Variants in DDX60 observed in about 807,000 individuals in gnomAD.
DDX60 encodes DExD/H-box helicase 60.
In DDX60, 165 loss-of-function variants were observed where a neutral mutation model predicts 212.8. The ratio of observed to expected loss-of-function variants is 0.78; its 90% CI spans 0.68 to 0.88. DDX60 has a LOEUF of 0.88. Ranked by LOEUF, DDX60 falls within the 40% of genes least tolerant of loss-of-function variation. The pLI is 0.00. For synonymous variants in DDX60, 703 were observed against 685.3 expected, an observed-to-expected ratio of 1.03 and a Z score of -0.40; for missense variants, 1,905 against 2,003.9, an observed-to-expected ratio of 0.95 and a Z score of 0.94.
At chr4:168,260,772 G>T in intron 25 of DDX60, 93 bp downstream of exon 25, 1 of 1,129,454 alleles carries the variant, frequency 8.9e-7, no homozygotes, top group Non-Finnish European at 1.3e-6. Flanking sequence ...CTGGGCCAGT[G>T]ATGGTCTGTG....
intron 23 of DDX60, 86 bp from the exon 24 acceptor site, chr4:168,262,214 T>G: frequency 7.0e-7 from 1 of 1,429,132 alleles, no homozygotes; most frequent in Non-Finnish European, 9.3e-7. Flanking sequence ...TTAACAGCCT[T>G]ACAAGTTTCT....
chr4:168,282,851 G>C (rs1735653307), intron 13 of DDX60, among the ~76,000 whole-genome samples: 1 of 152,062 alleles, frequency 6.6e-6, no homozygotes, highest in African/African-American at 2.4e-5. Flanking sequence ...TATTATTCCA[G>C]AAATAGATTG....
chr4:168,219,187 G>A (rs1028050232), intron 37 of DDX60, among the ~76,000 whole-genome samples: 10 of 151,772 alleles, frequency 6.6e-5, no homozygotes, highest in African/African-American at 2.4e-4. Flanking sequence ...AGCTACCTGG[G>A]AGGCTTAGGC....
At chr4:168,263,123 T>C (rs1734693344) in intron 22 of DDX60, among the ~76,000 whole-genome samples, 1 of 152,226 alleles carries the variant, frequency 6.6e-6, no homozygotes. Flanking sequence ...ACTTCTATCT[T>C]ACAGCTAACA....
intron 33 of DDX60, among the ~76,000 whole-genome samples, chr4:168,230,012 G>A (rs554195805): frequency 6.6e-6 from 1 of 151,976 alleles, no homozygotes; most frequent in Non-Finnish European, 1.5e-5. Context: ...AAATTTAAGG[G>A]AAAGGGGTGG....
intron 35 of DDX60, among the ~76,000 whole-genome samples, chr4:168,222,167 C>G (rs921007445): frequency 1.3e-5 from 2 of 152,212 alleles, no homozygotes; most frequent in African/African-American, 4.8e-5. Context: ...GAAAGAAAAC[C>G]TAACACCATT....
rs750974396 is a variant in DDX60 at position 168,311,280 on chromosome 4, C to T, written c.-21G>A. On this transcript the variant is annotated 5_prime_UTR_variant, in exon 2 of 38. Transcript: ENST00000393743. ...CCCATTCTTGCTGCTGCCTGTGCCT[C>T]CAACCTGAACTGGCAAGTATTAAAG... 1.2e-6 allele frequency: 2 copies of T among 1,612,302 alleles called. No individual in the cohort carries two copies. Among genetic ancestry groups the T allele is most frequent in the African/African-American group, 1.3e-5 (1 of 74,848 alleles).
At chr4:168,297,297 CGAAAGAAAGAAAGAAAGAAAGAAA>C (rs70961508) in intron 6 of DDX60, among the ~76,000 whole-genome samples, 2,021 of 67,420 alleles carry the variant, frequency 0.03, 49 homozygotes, top group East Asian at 0.04. Flanking sequence ...GAGAGAGAGA[CGAAAGAAAGAAAGAAAGAAAGAAA>C]GAAAGAAAGA....
At chr4:168,233,819 T>G (rs112450723) in intron 33 of DDX60, among the ~76,000 whole-genome samples, 1 of 151,940 alleles carries the variant, frequency 6.6e-6, no homozygotes, top group Non-Finnish European at 1.5e-5. Flanking sequence ...AACTTATACA[T>G]GTAACCAAAC....
At chr4:168,290,524 A>G (rs1736047200) in intron 8 of DDX60, among the ~76,000 whole-genome samples, 1 of 151,572 alleles carries the variant, frequency 6.6e-6, no homozygotes, top group Non-Finnish European at 1.5e-5. Context: ...TATTTTTAGT[A>G]GAGACGGGGT....
chr4:168,252,271 G>T (rs3817327), intron 27 of DDX60, among the ~76,000 whole-genome samples: 3,398 of 152,238 alleles, frequency 0.022, 212 homozygotes, highest in East Asian at 0.15. Flanking sequence ...GTGCTACTAG[G>T]GAATTTGACC....
chr4:168,252,903 C>T (rs1734270240), intron 26 of DDX60, among the ~76,000 whole-genome samples: 1 of 152,120 alleles, frequency 6.6e-6, no homozygotes, highest in Admixed American at 6.6e-5. Context: ...TTCCTGGGTT[C>T]AAGCAATTCT....
intron 15 of DDX60, 131 bp downstream of exon 15, chr4:168,275,884 G>A (rs1425578675): frequency 1.3e-6 from 1 of 750,632 alleles, no homozygotes; most frequent in African/African-American, 1.8e-5. Context: ...TTGGGCAGTT[G>A]GGTTACTACT....
intron 11 of DDX60, among the ~76,000 whole-genome samples, 189 bp downstream of exon 11, chr4:168,285,204 A>T (rs1735768573): frequency 6.6e-6 from 1 of 152,234 alleles, no homozygotes; most frequent in Non-Finnish European, 1.5e-5. Context: ...TTCTAAGATT[A>T]AAAACTATAC....
At chr4:168,261,082 T>C (rs986352073) in intron 24 of DDX60, 93 bp from the exon 25 acceptor site, 25 of 1,384,822 alleles carry the variant, frequency 1.8e-5, no homozygotes, top group Non-Finnish European at 2.3e-5. Context: ...TTGTCTAATA[T>C]ATGTTTTTGG....
intron 5 of DDX60, among the ~76,000 whole-genome samples, chr4:168,303,302 C>CA (rs35768208): frequency 0.25 from 24,440 of 99,510 alleles, 3,258 homozygotes; most frequent in African/African-American, 0.46. Flanking sequence ...ACTCTGTCTC[C>CA]AAAAAAAAAA....
At chr4:168,244,746 AG>A (rs1560823491) in intron 30 of DDX60, among the ~76,000 whole-genome samples, 1 of 142,790 alleles carries the variant, frequency 7.0e-6, no homozygotes, top group East Asian at 2.0e-4. Flanking sequence ...GAAAAAAGAA[AG>A]AAAAAAAAAG....
chr4:168,282,357 G>A (rs969011537), intron 13 of DDX60, among the ~76,000 whole-genome samples: 11 of 152,012 alleles, frequency 7.2e-5, no homozygotes, highest in African/African-American at 1.7e-4. Context: ...TCTGTCTCTC[G>A]GAGTTCTGAA....
At chr4:168,317,269 A>G (rs1175103206) in intron 1 of DDX60, among the ~76,000 whole-genome samples, 1 of 152,034 alleles carries the variant, frequency 6.6e-6, no homozygotes, top group Non-Finnish European at 1.5e-5. Context: ...TAAGACCACA[A>G]ATCTTACAAA....
Sources: allele counts gnomAD v4.1 joint callset (sites outside exome capture counted in the v4.1 genomes callset), GRCh38; gene constraint gnomAD v4.1.1; transcripts MANE v1.5; gene names NCBI Gene and HGNC (gene_info 2026-07-23, HGNC 2026-07-21).